Variants in PIEZO2 observed in about 807,000 individuals in gnomAD.
PIEZO2 encodes the protein piezo type mechanosensitive ion channel component 2.
Under a neutral mutation model 337.3 loss-of-function variants are expected in PIEZO2, and 172 were observed. The observed-to-expected ratio is 0.51, with a 90% CI of 0.45 to 0.58. The LOEUF is 0.58. Among genes scored for constraint, PIEZO2 ranks in the 20% least tolerant of loss-of-function variants. PIEZO2 has a pLI of 0.00. For synonymous variants in PIEZO2, 1,251 were observed against 1,228.5 expected (o/e 1.02, Z -0.38); for missense variants, 3,028 against 3,391.3 (o/e 0.89, Z 2.66).
intron 2 of PIEZO2, among the ~76,000 whole-genome samples, chr18:10,981,598 TGA>T (rs2034669314): frequency 6.6e-6 from 1 of 152,212 alleles, no homozygotes. Context: ...TGGTTAATAC[TGA>T]GTGTCAACTT....
chr18:11,065,950 AC>A (rs2038133620), intron 2 of PIEZO2, among the ~76,000 whole-genome samples, 176 bp downstream of exon 2: 1 of 152,178 alleles, frequency 6.6e-6, no homozygotes, highest in Admixed American at 6.5e-5. Flanking sequence ...ATCACAAACA[AC>A]TTCTATACAG....
chr18:10,772,225 C>A (rs2038628987), intron 20 of PIEZO2, among the ~76,000 whole-genome samples: 2 of 152,096 alleles, frequency 1.3e-5, no homozygotes, highest in Non-Finnish European at 1.5e-5. Flanking sequence ...ACATGTCCCC[C>A]AAGGCTAAGG....
At chr18:10,884,505 G>A (rs940748068) in intron 4 of PIEZO2, among the ~76,000 whole-genome samples, 7 of 152,158 alleles carry the variant, frequency 4.6e-5, no homozygotes, top group African/African-American at 1.4e-4. Context: ...CACAAAAACA[G>A]AGCCACACCA....
At chr18:10,825,568 T>TTTTTTTTTTTTTA (rs2040647679) in intron 7 of PIEZO2, among the ~76,000 whole-genome samples, 1 of 149,092 alleles carries the variant, frequency 6.7e-6, no homozygotes, top group African/African-American at 2.5e-5. Flanking sequence ...TTTTTTTTTT[T>TTTTTTTTTTTTTA]GAGACAGAAT....
At position 10,861,326 on chromosome 18, in the gene PIEZO2, G is replaced by C. The variant is rs1054696988; in HGVS notation, c.493-4115C>G. ...AAATAAACTCTTTACAGTTTAAAAAGTCAAATAAATGATTATACAGATTAT... is the reference window on the plus strand; with the variant it reads ...AAATAAACTCTTTACAGTTTAAAAACTCAAATAAATGATTATACAGATTAT... On this transcript the variant is annotated intron_variant, in intron 5 of 55. Transcript: ENST00000674853. The surrounding 1 kb of genome is among the most constrained non-coding windows in gnomAD (Gnocchi z 4.3). Among the ~76,000 whole-genome samples the C allele has an allele frequency of 2.0e-5, 3 of 152,144 alleles. No homozygotes were observed. Among genetic ancestry groups the C allele is most frequent in the African/African-American group, 7.2e-5 (3 of 41,424 alleles).
At chr18:10,788,906 C>T (rs1485028911) in intron 15 of PIEZO2, among the ~76,000 whole-genome samples, 173 bp downstream of exon 15, 1 of 152,198 alleles carries the variant, frequency 6.6e-6, no homozygotes, top group East Asian at 1.9e-4. Context: ...AAATAGTAAA[C>T]AAGTTGAAGA....
rs1368719303 is a variant in PIEZO2 at position 11,032,391 on chromosome 18, T to C, written c.160+33736A>G. ...GACAGAAGGTAATGGCATCTCTCCA[T>C]TATATCCTTACTTCACCTGGGAATA... On this transcript the variant is annotated intron_variant, in intron 2 of 55. Coordinates refer to ENST00000674853, the MANE Select transcript of PIEZO2 (RefSeq NM_001378183.1). The surrounding 1 kb of genome is among the most constrained non-coding windows in gnomAD (Gnocchi z 4.9). Among the ~76,000 whole-genome samples, 1 of 152,200 alleles carries C rather than the reference T, an allele frequency of 6.6e-6. No homozygotes were observed. Among genetic ancestry groups the C allele is most frequent in the Non-Finnish European group, 1.5e-5 (1 of 68,030 alleles).
In PIEZO2 at chr18:10,673,404, C is replaced by T. The variant is rs563011209; in HGVS notation, c.8162-531G>A. ...ACCATGGGACCAGCATTGACAAGGT[C>T]TGTTGGCTTAGAGAGACCACTTCTG... is the stretch of plus-strand genomic sequence containing the variant. On this transcript the variant is annotated intron_variant, in intron 54 of 55. Coordinates refer to ENST00000674853, the MANE Select transcript of PIEZO2 (RefSeq NM_001378183.1). The surrounding 1 kb of genome is among the most constrained non-coding windows in gnomAD (Gnocchi z 4.8). Among the ~76,000 whole-genome samples, 1 of 152,180 alleles carries T rather than the reference C, an allele frequency of 6.6e-6. No individual in the cohort carries two copies. The highest frequency in any genetic ancestry group is 2.1e-4 in the South Asian group (1 of 4,824).
At chr18:10,917,343 A>G (rs930572549) in intron 3 of PIEZO2, among the ~76,000 whole-genome samples, 1 of 152,094 alleles carries the variant, frequency 6.6e-6, no homozygotes, top group African/African-American at 2.4e-5. Flanking sequence ...CTCCCTTAAT[A>G]TAACACAAAA....
In PIEZO2 at chr18:11,132,454, CA is replaced by C. The variant is rs2040367531; in HGVS notation, c.64+16070del. ...GTAACAGTACTTTGCAGGGCTGGGG[CA>C]AAGTTCTCCAGAAGGCCGTGTATGC... On this transcript the variant is annotated intron_variant, in intron 1 of 55. Coordinates refer to ENST00000674853, the MANE Select transcript of PIEZO2 (RefSeq NM_001378183.1). The surrounding 1 kb of genome is among the most constrained non-coding windows in gnomAD (Gnocchi z 4.7). 6.6e-6 allele frequency among the ~76,000 whole-genome samples: 1 copy of C among 152,128 alleles called. No individual in the cohort carries two copies. Among genetic ancestry groups the C allele is most frequent in the African/African-American group, 2.4e-5 (1 of 41,424 alleles).
At position 10,697,846 on chromosome 18, in the gene PIEZO2, T is replaced by C. The variant is rs559356043; in HGVS notation, c.6729A>G (p.Gly2243=). 14 of 1,614,102 alleles carry C rather than the reference T, an allele frequency of 8.7e-6. No homozygotes were observed. The highest frequency in any genetic ancestry group is 4.4e-5 in the South Asian group (4 of 91,046). ...STSTRNSSQK[G]SSVLSIKQKG... ...TTTGCTTAATACTCAAAACACTGCT[T>C]CCTTTTTGACTGCTGTTTCGGGTGC... is the stretch of plus-strand genomic sequence containing the variant. The change falls in exon 45 of 56, where the codon GGA becomes GGG. Residue 2243 remains glycine, a synonymous_variant. Transcript: ENST00000674853.
chr18:11,061,065 G>C (rs546724518), intron 2 of PIEZO2, among the ~76,000 whole-genome samples: 1 of 152,314 alleles, frequency 6.6e-6, no homozygotes, highest in South Asian at 2.1e-4. Context: ...CCATGATCAA[G>C]TGGGCTTCAT....
Position 10,750,066 on chromosome 18 carries a change from C to T in PIEZO2, c.4264+25G>A. ...TATCCTCCCTCTTCTGCCTTTCTGC[C>T]TTCACACTTGCTTTTCATACTTACG... On this transcript the variant is annotated intron_variant, in intron 29 of 55. Transcript: ENST00000674853. This position sits in a 1 kb window ranked among gnomAD's most constrained non-coding sequence, Gnocchi z 4.1. The T allele has an allele frequency of 6.7e-7, 1 of 1,501,666 alleles. No individual in the cohort carries two copies. Among genetic ancestry groups the T allele is most frequent in the East Asian group, 2.5e-5 (1 of 40,734 alleles). The allele number at this position is 1,501,666 out of a possible 1,614,324, so 93.0% of individuals were successfully genotyped here.
At chr18:10,715,849 G>A (rs1464942625) in intron 37 of PIEZO2, 33 bp from the exon 38 acceptor site, 3 of 1,456,662 alleles carry the variant, frequency 2.1e-6, no homozygotes, top group East Asian at 5.0e-5. Flanking sequence ...GATGTTAAAG[G>A]AACAAAATAC....
intron 1 of PIEZO2, among the ~76,000 whole-genome samples, chr18:11,117,965 T>A (rs1158880037): frequency 6.6e-6 from 1 of 152,230 alleles, no homozygotes; most frequent in Non-Finnish European, 1.5e-5. Context: ...CTCCTTTGAC[T>A]AAGAATATTA....
chr18:11,071,929 A>G (rs757395924), intron 1 of PIEZO2, among the ~76,000 whole-genome samples: 2 of 152,124 alleles, frequency 1.3e-5, no homozygotes, highest in Non-Finnish European at 2.9e-5. Context: ...TAGCAGCTCC[A>G]GTTTCCCACC....
intron 49 of PIEZO2, among the ~76,000 whole-genome samples, chr18:10,688,028 G>A (rs932041960): frequency 2.6e-5 from 4 of 152,152 alleles, no homozygotes; most frequent in Admixed American, 6.5e-5. Flanking sequence ...CAGGATACAT[G>A]TGCAGAATGT....
rs562892677 is a variant in PIEZO2 at position 11,129,528 on chromosome 18, A to T, written c.64+18997T>A. ...TCGAATGGACAAAAGACTAATTTGAATTATAAAAACAGAATCACAGCCCCT... is the reference window on the plus strand; with the variant it reads ...TCGAATGGACAAAAGACTAATTTGATTTATAAAAACAGAATCACAGCCCCT... On this transcript the variant is annotated intron_variant, in intron 1 of 55. Transcript: ENST00000674853. This position sits in a 1 kb window ranked among gnomAD's most constrained non-coding sequence, Gnocchi z 4.6. Among the ~76,000 whole-genome samples the T allele has an allele frequency of 6.6e-6, 1 of 152,214 alleles. No individual in the cohort carries two copies. The highest frequency in any genetic ancestry group is 2.4e-5 in the African/African-American group (1 of 41,452).
rs527384384 is a variant in PIEZO2, at chr18:10,865,431, G to A, written c.492+5822C>T. ...CAGTGGCTGCTTGGTGAGGATTGTG[G>A]CAGTGAGTAGAGAAAAGTGGACTGA... On this transcript the variant is annotated intron_variant, in intron 5 of 55. Coordinates refer to ENST00000674853, the MANE Select transcript of PIEZO2 (RefSeq NM_001378183.1). Among the ~76,000 whole-genome samples the A allele has an allele frequency of 2.0e-4, 30 of 152,272 alleles. No homozygotes were observed. In the South Asian group the frequency reaches 3.7e-3, roughly 19 times the overall value.
Sources: allele counts gnomAD v4.1 joint callset (sites outside exome capture counted in the v4.1 genomes callset), GRCh38; gene constraint gnomAD v4.1.1; non-coding constraint Gnocchi (gnomAD v3.1); transcripts MANE v1.5; gene names NCBI Gene and HGNC (gene_info 2026-07-23, HGNC 2026-07-21).